The following CSMD2 variants were observed in gnomAD, a reference collection of about 807,000 sequenced individuals.
CSMD2 encodes the protein CUB and sushi domain-containing protein 2.
In CSMD2, 130 loss-of-function variants were observed where a neutral mutation model predicts 398.5. The observed-to-expected ratio is 0.33, with a 90% confidence interval of 0.28 to 0.38. The LOEUF is 0.38. Ranked by LOEUF, CSMD2 falls within the 10% of genes least tolerant of loss-of-function variation. The probability of loss-of-function intolerance (pLI) is 1.00; values close to 1 mark genes in which losing one functional copy is unlikely to be tolerated. For missense variants in CSMD2, 3,829 were observed against 4,764.9 expected, an observed-to-expected ratio of 0.80 and a Z score of 5.78; for synonymous variants, 1,828 against 1,908.5, an observed-to-expected ratio of 0.96 and a Z score of 1.10.
rs768770717 is a variant in CSMD2 at position 33,708,376 on chromosome 1, CACAG to C, written c.3576+709_3576+712del. 2.7e-4 allele frequency among the ~76,000 whole-genome samples: 40 copies of C among 148,210 alleles called. 1 individual carries two copies. The highest frequency in any genetic ancestry group is 8.5e-4 in the African/African-American group (35 of 41,220). ...CACACAATATGCTGACACAGGTATG[CACAG>C]ACACAGATCCCCAAAACCAAATAAA... On this transcript the variant is annotated intron_variant, in intron 22 of 70. Transcript: ENST00000373381.
chr1:33,722,979 C>A (rs1450322245), intron 19 of CSMD2, among the ~76,000 whole-genome samples: 2 of 152,098 alleles, frequency 1.3e-5, no homozygotes, highest in African/African-American at 4.8e-5. Context: ...ATAATCCATC[C>A]TTTCTTCAAT....
chr1:33,783,793 C>A (rs367578989), intron 12 of CSMD2, among the ~76,000 whole-genome samples: 1 of 152,186 alleles, frequency 6.6e-6, no homozygotes, highest in Non-Finnish European at 1.5e-5. Context: ...GTTCTGACTC[C>A]GGTACCTATA....
intron 3 of CSMD2, among the ~76,000 whole-genome samples, chr1:34,027,232 G>T (rs537322158): frequency 6.6e-6 from 1 of 152,246 alleles, no homozygotes; most frequent in Admixed American, 6.5e-5. Context: ...CCAAGAGAGA[G>T]GATTTATACA....
chr1:34,109,064 T>G (rs1660794496), intron 1 of CSMD2, among the ~76,000 whole-genome samples: 1 of 152,170 alleles, frequency 6.6e-6, no homozygotes, highest in Admixed American at 6.5e-5. Flanking sequence ...CCCTCATTCC[T>G]CTGACAGCTT....
chr1:33,688,053 T>C (rs555803112), intron 25 of CSMD2, among the ~76,000 whole-genome samples: 2 of 152,190 alleles, frequency 1.3e-5, no homozygotes, highest in African/African-American at 2.4e-5. Context: ...AGAAGAAAAT[T>C]TGAGGTCATG....
At chr1:34,023,065 T>C (rs1283248210) in intron 3 of CSMD2, among the ~76,000 whole-genome samples, 2 of 152,082 alleles carry the variant, frequency 1.3e-5, no homozygotes, top group African/African-American at 4.8e-5. Flanking sequence ...CAAACTCCTG[T>C]CCTCAAATGA....
intron 12 of CSMD2, among the ~76,000 whole-genome samples, chr1:33,786,787 T>C (rs1653590237): frequency 6.6e-6 from 1 of 152,226 alleles, no homozygotes; most frequent in African/African-American, 2.4e-5. Context: ...CCTAGACACA[T>C]GGCCTCCTAT....
At chr1:34,010,163 C>T (rs1647200873) in intron 3 of CSMD2, among the ~76,000 whole-genome samples, 1 of 152,172 alleles carries the variant, frequency 6.6e-6, no homozygotes, top group Non-Finnish European at 1.5e-5. Context: ...TGCAGCTTTC[C>T]ACCACTCTAT....
chr1:33,790,969 T>C (rs1207960388), intron 11 of CSMD2, among the ~76,000 whole-genome samples: 1 of 152,128 alleles, frequency 6.6e-6, no homozygotes, highest in Non-Finnish European at 1.5e-5. Context: ...TCTGGAGAAA[T>C]CCCAAGTCCC....
intron 5 of CSMD2, among the ~76,000 whole-genome samples, chr1:33,889,721 T>C (rs1257497595): frequency 6.6e-6 from 1 of 151,722 alleles, no homozygotes; most frequent in African/African-American, 2.4e-5. Flanking sequence ...AAGCAAGCTG[T>C]AGAATAATAT....
At chr1:33,661,978 G>A (rs1644151354) in intron 26 of CSMD2, among the ~76,000 whole-genome samples, 1 of 146,684 alleles carries the variant, frequency 6.8e-6, no homozygotes, top group South Asian at 2.3e-4. Flanking sequence ...TGGTAATGAA[G>A]ACAGCTGCTG....
chr1:33,992,821 G>A (rs1213604406), intron 3 of CSMD2, among the ~76,000 whole-genome samples: 1 of 150,108 alleles, frequency 6.7e-6, no homozygotes, highest in Non-Finnish European at 1.5e-5. Context: ...AGCTTGCAGT[G>A]AGCCGTGATC....
At chr1:34,100,923 C>T (rs1223374685) in intron 1 of CSMD2, among the ~76,000 whole-genome samples, 1 of 152,194 alleles carries the variant, frequency 6.6e-6, no homozygotes, top group South Asian at 2.1e-4. Flanking sequence ...GTACTGTCCA[C>T]ATTAGGCTGG....
At chr1:33,808,921 G>C (rs942393273) in intron 10 of CSMD2, among the ~76,000 whole-genome samples, 2 of 151,252 alleles carry the variant, frequency 1.3e-5, no homozygotes, top group African/African-American at 2.4e-5. Flanking sequence ...TATAATAAGA[G>C]ATAGTATGTA....
At chr1:34,053,089 C>T (rs1011475144) in intron 2 of CSMD2, among the ~76,000 whole-genome samples, 4 of 151,842 alleles carry the variant, frequency 2.6e-5, no homozygotes, top group African/African-American at 7.3e-5. Context: ...CTTTTAACCC[C>T]TAATCAGAAC....
chr1:33,522,178 T>C (rs923880), intron 67 of CSMD2, among the ~76,000 whole-genome samples: 41,295 of 152,098 alleles, frequency 0.27, 6,045 homozygotes, highest in East Asian at 0.4. Context: ...AGGATGCCTG[T>C]GCTCCTGGGT....
At chr1:33,931,561 C>T (rs950787137) in intron 4 of CSMD2, among the ~76,000 whole-genome samples, 2 of 152,096 alleles carry the variant, frequency 1.3e-5, no homozygotes, top group South Asian at 2.1e-4. Flanking sequence ...TTGAGCAGAA[C>T]CACATCTCAG....
At chr1:33,735,688 T>C (rs1052693507) in intron 15 of CSMD2, among the ~76,000 whole-genome samples, 3 of 152,208 alleles carry the variant, frequency 2.0e-5, no homozygotes, top group Non-Finnish European at 4.4e-5. Context: ...TTTCTAAATT[T>C]AGGAGAAGCC....
chr1:33,571,838 A>T, intron 50 of CSMD2, 112 bp from the exon 51 acceptor site: 2 of 777,154 alleles, frequency 2.6e-6, no homozygotes, highest in South Asian at 5.6e-5. Flanking sequence ...TGAAGAATCC[A>T]GGAATCTTCA....
Sources: gnomAD v4.1 joint callset for allele counts (sites outside exome capture counted in the v4.1 genomes callset) on GRCh38, gnomAD v4.1.1 for gene constraint, MANE v1.5 for transcripts, NCBI Gene and HGNC (gene_info 2026-07-23, HGNC 2026-07-21) for gene names.